PHF12: variants seen among roughly 807,000 people sequenced by gnomAD.
The protein encoded by PHF12 is PHD factor 1.
In PHF12, 6 loss-of-function variants were observed where a neutral mutation model predicts 99.8. The observed-to-expected ratio is 0.06, with a 90% CI of 0.03 to 0.12. The LOEUF is 0.12. Among genes scored for constraint, PHF12 ranks in the 10% least tolerant of loss-of-function variants. The probability of loss-of-function intolerance (pLI) is 1.00; values close to 1 mark genes in which losing one functional copy is unlikely to be tolerated. For missense variants in PHF12, 954 were observed against 1,300.1 expected, an observed-to-expected ratio of 0.73 and a Z score of 4.09; for synonymous variants, 480 against 514.9, an observed-to-expected ratio of 0.93 and a Z score of 0.92.
chr17:28,943,894 C>T (rs2040670203), intron 2 of PHF12, among the ~76,000 whole-genome samples: 1 of 152,220 alleles, frequency 6.6e-6, no homozygotes, highest in African/African-American at 2.4e-5. Flanking sequence ...TTAGGTATCA[C>T]TTGTACTTTC....
intron 3 of PHF12, chr17:28,925,844 CAT>C (rs1295522064): frequency 6.6e-6 from 1 of 152,220 alleles, no homozygotes; most frequent in Non-Finnish European, 1.5e-5. Flanking sequence ...TGGGCACTAA[CAT>C]AATATTTCCT....
In PHF12 at chr17:28,912,124, G is replaced by GT. The variant is rs1436763045; in HGVS notation, c.2089+357dup. ...CACGCAGAACCTCAGGCTGATCATAGTAATTCCAGAGAGCACCCTGCCTTC... is the reference window on the plus strand; with the variant it reads ...CACGCAGAACCTCAGGCTGATCATAGTTAATTCCAGAGAGCACCCTGCCTTC... On this transcript the variant is annotated intron_variant, in intron 9 of 14. Coordinates refer to ENST00000332830, the MANE Select transcript of PHF12 (RefSeq NM_001033561.2). 5.5e-6 allele frequency: 6 copies of GT among 1,086,344 alleles called. No individual in the cohort carries two copies. The Admixed American group carries it at 1.9e-4, about 35-fold the overall frequency. The allele number at this position is 1,086,344 out of a possible 1,614,324, so 67.3% of individuals were successfully genotyped here. A position where few individuals can be genotyped will look rare whatever the true frequency, so the allele number is the denominator to read the frequency against.
chr17:28,935,048 T>A (rs2040483717), intron 2 of PHF12, among the ~76,000 whole-genome samples: 1 of 152,214 alleles, frequency 6.6e-6, no homozygotes, highest in Non-Finnish European at 1.5e-5. Context: ...CTTTATTTTC[T>A]GGCTTCAAAA....
In PHF12 at chr17:28,921,672, G is replaced by A. The variant is rs2040168691; in HGVS notation, c.836+16C>T. The A allele has an allele frequency of 6.2e-7, 1 of 1,613,176 alleles. No individual in the cohort carries two copies. On this transcript the variant is annotated intron_variant, in intron 5 of 14. Transcript: ENST00000332830. The stretch of plus-strand genomic sequence containing the variant: ...CTAAATAATGAGAAAGAGCCCCTTA[G>A]TATGAAAGAAAATACCTGTTACACG...
chr17:28,919,020 A>G, intron 6 of PHF12, 123 bp downstream of exon 6: 2 of 1,271,582 alleles, frequency 1.6e-6, no homozygotes, highest in Non-Finnish European at 2.1e-6. Flanking sequence ...GGTGGCCTGC[A>G]GAAACCAGTA....
At chr17:28,916,900 C>T (rs111579263) in intron 7 of PHF12, among the ~76,000 whole-genome samples, 4 of 152,352 alleles carry the variant, frequency 2.6e-5, no homozygotes, top group African/African-American at 9.6e-5. Context: ...TCACCTTCCA[C>T]ATGGCTCTTT....
chr17:28,917,167 C>A, intron 7 of PHF12, 118 bp downstream of exon 7: 3 of 1,407,398 alleles, frequency 2.1e-6, no homozygotes, highest in Non-Finnish European at 2.0e-6. Flanking sequence ...TCACGAGACA[C>A]CACAAACCTA....
intron 3 of PHF12, 141 bp from the exon 4 acceptor site, chr17:28,924,443 C>T: frequency 8.8e-7 from 1 of 1,140,174 alleles, no homozygotes; most frequent in Non-Finnish European, 1.3e-6. Context: ...TCACTTGGAA[C>T]ACTGGTCTGT....
At position 28,951,107 on chromosome 17, in the gene PHF12, C is replaced by T; in HGVS notation, c.-147G>A. The T allele has an allele frequency of 6.9e-7, 1 of 1,440,676 alleles. No individual in the cohort carries two copies. The highest frequency in any genetic ancestry group is 9.1e-7 in the Non-Finnish European group (1 of 1,096,368). The allele number at this position is 1,440,676 out of a possible 1,614,324, so 89.2% of individuals were successfully genotyped here. A position where few individuals can be genotyped will look rare whatever the true frequency, so the allele number is the denominator to read the frequency against. ...ACTTCCTCGCCCTGGCTCCCCCCCA[C>T]CCCCCGGCCCCCAGTCCCCGGGACG... On this transcript the variant is annotated 5_prime_UTR_variant, in exon 1 of 15. The change creates a new upstream start codon in the 5' untranslated region. Coordinates refer to ENST00000332830, the MANE Select transcript of PHF12 (RefSeq NM_001033561.2).
rs1386655386 is a variant in PHF12, at chr17:28,949,571, A to C, written c.248+494T>G. ...GAGAGGCAAAGAAGAGGCGGACTCG[A>C]GAGACACCCTCCACGATTTTTTCTA... On this transcript the variant is annotated intron_variant, in intron 2 of 14. Transcript: ENST00000332830. The surrounding 1 kb of genome is among the most constrained non-coding windows in gnomAD (Gnocchi z 4.6). 2.6e-5 allele frequency: 4 copies of C among 154,418 alleles called. No homozygotes were observed. The highest frequency in any genetic ancestry group is 9.6e-5 in the African/African-American group (4 of 41,566). 9.6% of individuals were successfully genotyped at this position (154,418 alleles called of 1,614,324 possible). A position where few individuals can be genotyped will look rare whatever the true frequency, so the allele number is the denominator to read the frequency against.
chr17:28,949,637 A>C lies in PHF12; in HGVS notation c.248+428T>G. The C allele has an allele frequency of 1.2e-5, 2 of 162,004 alleles. No individual in the cohort carries two copies. The highest frequency in any genetic ancestry group is 2.7e-5 in the Non-Finnish European group (2 of 74,702). 10.0% of individuals were successfully genotyped at this position (162,004 alleles called of 1,614,324 possible). A position where few individuals can be genotyped will look rare whatever the true frequency, so the allele number is the denominator to read the frequency against. ...GGTTGCCGGGGTCTGGACCAGGGCA[A>C]CTCAGGTGGCCGAGGGCTCCACGCA... On this transcript the variant is annotated intron_variant, in intron 2 of 14. Transcript: ENST00000332830. The surrounding 1 kb of genome is among the most constrained non-coding windows in gnomAD (Gnocchi z 4.6).
Position 28,944,477 on chromosome 17 carries a change from G to A in PHF12, c.248+5588C>T, listed in dbSNP as rs956539476. Reference sequence around the variant, plus strand: ...GCCCTACATTAAGAAGCATGCATCTGAACCTGAGTTAAAATTGAACATTAC... The same window carrying A: ...GCCCTACATTAAGAAGCATGCATCTAAACCTGAGTTAAAATTGAACATTAC... On this transcript the variant is annotated intron_variant, in intron 2 of 14. Transcript: ENST00000332830. The A allele has an allele frequency of 4.1e-6, 4 of 977,282 alleles. No individual in the cohort carries two copies. In the African/African-American group the frequency reaches 7.0e-5, roughly 17 times the overall value. 60.5% of individuals were successfully genotyped at this position (977,282 alleles called of 1,614,324 possible).
intron 5 of PHF12, among the ~76,000 whole-genome samples, chr17:28,920,318 T>C (rs2040139238): frequency 6.6e-6 from 1 of 152,178 alleles, no homozygotes; most frequent in African/African-American, 2.4e-5. Flanking sequence ...CTGACCATAA[T>C]ACAGTCCTTC....
chr17:28,925,130 C>T (rs1251109274), intron 3 of PHF12: 1 of 152,182 alleles, frequency 6.6e-6, no homozygotes. Context: ...CTCCAGGACT[C>T]CAAATAGAGT....
At chr17:28,910,965 C>CGG in intron 10 of PHF12, 147 bp downstream of exon 10, 1 of 1,130,108 alleles carries the variant, frequency 8.8e-7, no homozygotes, top group Non-Finnish European at 1.2e-6. Flanking sequence ...GCCCCCCCAT[C>CGG]CAAAAGGATA....
In PHF12 at chr17:28,930,018, C is replaced by G. The variant is rs1258839101; in HGVS notation, c.249-2955G>C. On this transcript the variant is annotated intron_variant, in intron 2 of 14. Transcript: ENST00000332830. ...GTTCATCTGCCCACTGGCTTTGTAC[C>G]AAGATATCCTACATCAAACATTTAA... The G allele has an allele frequency of 3.3e-5, 5 of 152,172 alleles. No homozygotes were observed. In the East Asian group the frequency reaches 9.6e-4, roughly 29 times the overall value. 9.4% of individuals were successfully genotyped at this position (152,172 alleles called of 1,614,324 possible).
chr17:28,908,585 GT>G lies in PHF12; in HGVS notation c.2458+197del, dbSNP rs1188216093. The G allele has an allele frequency of 2.7e-5, 16 of 591,232 alleles. No individual in the cohort carries two copies. The East Asian group carries it at 4.0e-4, about 15-fold the overall frequency. 36.6% of individuals were successfully genotyped at this position (591,232 alleles called of 1,614,324 possible). A position where few individuals can be genotyped will look rare whatever the true frequency, so the allele number is the denominator to read the frequency against. On this transcript the variant is annotated intron_variant, in intron 12 of 14. Transcript: ENST00000332830. ...TCCTCCTGCCTTGTCCTCCCAAAGT[GT>G]TGGGATTATAGGCGTGAGCCACCGT...
rs762948957 is a variant in PHF12 at position 28,908,867 on chromosome 17, C to T, written c.2374G>A (p.Val792Ile). 8.1e-6 allele frequency: 13 copies of T among 1,613,746 alleles called. No homozygotes were observed. Among genetic ancestry groups the T allele is most frequent in the Non-Finnish European group, 5.1e-6 (6 of 1,179,890 alleles). Reference sequence around the variant, plus strand: ...GGGTAGAACACAGCTCGGGCCTGTACCTCCTTTCTTTGCACTACAAGACAA... The same window carrying T: ...GGGTAGAACACAGCTCGGGCCTGTATCTCCTTTCTTTGCACTACAAGACAA... The part of the protein sequence containing the change: ...GHHIEVQRKE[V>I]QARAVFYPLL... Residue 792 changes from valine to isoleucine, a missense_variant, in exon 12 of 15, where the codon GTA becomes ATA. Physicochemically the swap from Val to Ile is conservative, Grantham distance 29. Transcript: ENST00000332830.
rs2152666973 is a variant in PHF12, at chr17:28,924,173, T to A, written c.451A>T (p.Ile151Phe). Residue 151 changes from isoleucine (I) to phenylalanine (F), a missense_variant, in exon 4 of 15, where the codon ATT (isoleucine) becomes TTT (phenylalanine). Ile to Phe is a conservative substitution (Grantham distance 21, BLOSUM62 0). Transcript: ENST00000332830. The stretch of plus-strand genomic sequence containing the variant: ...CTTTCCAGGATCCGGGCATGGGCAA[T>A]GGCCTTTAGTTCAGTTTTGCTGGCC... ...RSASKTELKA[I>F]AHARILERRA... 1 of 1,614,160 alleles carries A rather than the reference T, an allele frequency of 6.2e-7. No individual in the cohort carries two copies. Among genetic ancestry groups the A allele is most frequent in the East Asian group, 2.2e-5 (1 of 44,880 alleles).
Sources: gnomAD v4.1 joint callset for allele counts (sites outside exome capture counted in the v4.1 genomes callset) on GRCh38, gnomAD v4.1.1 for gene constraint, Gnocchi (gnomAD v3.1) non-coding constraint, MANE v1.5 for transcripts, NCBI Gene and HGNC (gene_info 2026-07-23, HGNC 2026-07-21) for gene names.